CPNE3: variants seen among roughly 807,000 people sequenced by gnomAD.
The protein encoded by CPNE3 is copine 3.
CPNE3 carries 68 observed loss-of-function variants against 63.9 expected under a neutral mutation model. That is an observed-to-expected ratio of 1.06 (90% CI 0.87 to 1.30). The LOEUF is 1.30. CPNE3 is among the 50% of genes most tolerant of loss of function. CPNE3 has a pLI of 0.00. For missense variants in CPNE3, 665 were observed against 578.1 expected (o/e 1.15, Z -1.54); for synonymous variants, 219 against 197.5 (o/e 1.11, Z -0.91).
chr8:86,556,270 C>A lies in CPNE3; in HGVS notation c.1423C>A (p.Arg475Ser). The change falls in exon 16 of 17, where the codon CGC becomes AGC. Residue 475 changes from arginine to serine, a missense_variant. Arg to Ser is a moderately radical substitution (Grantham distance 110). Coordinates refer to ENST00000517490, the MANE Select transcript of CPNE3 (RefSeq NM_003909.5). ...EFLDGDGGSL[R>S]SPLGEVAIRD... Reference sequence around the variant, plus strand: ...TCTGGATGGTGATGGTGGAAGTCTCCGCTCCCCATTGGGCGAAGTGGCCAT... The same window carrying A: ...TCTGGATGGTGATGGTGGAAGTCTCAGCTCCCCATTGGGCGAAGTGGCCAT... 1.1e-6 allele frequency: 1 copy of A among 872,986 alleles called. No individual in the cohort carries two copies. The highest frequency in any genetic ancestry group is 1.6e-5 in the African/African-American group (1 of 61,446). 54.1% of individuals were successfully genotyped at this position (872,986 alleles called of 1,614,324 possible).
chr8:86,514,650 T>C (rs1820224845), intron 1 of CPNE3, 109 bp downstream of exon 1: 1 of 152,112 alleles, frequency 6.6e-6, no homozygotes, highest in Non-Finnish European at 1.5e-5. Context: ...GCCCGCAGGC[T>C]CCGTGCGGCA....
chr8:86,526,098 G>A (rs777791597), intron 2 of CPNE3, among the ~76,000 whole-genome samples: 3 of 152,146 alleles, frequency 2.0e-5, no homozygotes, highest in Non-Finnish European at 4.4e-5. Flanking sequence ...GGGCGGTGGC[G>A]GGCACCTGAA....
intron 2 of CPNE3, among the ~76,000 whole-genome samples, chr8:86,522,411 T>A (rs1236734937): frequency 6.6e-6 from 1 of 152,186 alleles, no homozygotes; most frequent in African/African-American, 2.4e-5. Context: ...TCTGTTGCTG[T>A]ATAATGTCCC....
At chr8:86,525,052 A>ACCAGGTTGG (rs1301299178) in intron 2 of CPNE3, 1 of 152,148 alleles carries the variant, frequency 6.6e-6, no homozygotes. Flanking sequence ...ACGGGGTTTC[A>ACCAGGTTGG]CCAGGTTGGC....
At chr8:86,516,577 A>T (rs1236963859) in intron 2 of CPNE3, among the ~76,000 whole-genome samples, 1 of 152,152 alleles carries the variant, frequency 6.6e-6, no homozygotes, top group Non-Finnish European at 1.5e-5. Flanking sequence ...TATAATAAAG[A>T]TGAGATCTTA....
chr8:86,546,666 T>C lies in CPNE3; in HGVS notation c.804T>C (p.Ser268=). The C allele has an allele frequency of 1.9e-6, 3 of 1,611,002 alleles. No individual in the cohort carries two copies. The highest frequency in any genetic ancestry group is 2.5e-6 in the Non-Finnish European group (3 of 1,179,348). The part of the protein sequence containing the change: ...KKSYKNSGVI[S]VKQCEITVEC... The stretch of plus-strand genomic sequence containing the variant: ...GCTACAAGAATTCAGGTGTTATCAG[T>C]GTGAAACAGTGTGAGGTCCGTTGGC... Residue 268 remains serine (S), a synonymous_variant, in exon 10 of 17, where the codon AGT becomes AGC. Transcript: ENST00000517490.
At chr8:86,543,797 A>G (rs1820994096) in intron 8 of CPNE3, among the ~76,000 whole-genome samples, 2 of 152,312 alleles carry the variant, frequency 1.3e-5, no homozygotes, top group African/African-American at 4.8e-5. Context: ...GCAGAAGTGA[A>G]ATAATCTGTT....
chr8:86,533,080 CAG>C (rs1471342617), intron 6 of CPNE3, among the ~76,000 whole-genome samples: 1 of 146,550 alleles, frequency 6.8e-6, no homozygotes, highest in Non-Finnish European at 1.5e-5. Context: ...TTTTTAGAGA[CAG>C]AGTCTCACTA....
intron 2 of CPNE3, among the ~76,000 whole-genome samples, chr8:86,520,263 G>A (rs1820403069): frequency 6.6e-6 from 1 of 152,164 alleles, no homozygotes; most frequent in African/African-American, 2.4e-5. Context: ...AACAGCTGAA[G>A]GCTGGGCGCA....
In CPNE3 at chr8:86,539,665, T is replaced by G. The variant is rs1476587631; in HGVS notation, c.544-580T>G. On this transcript the variant is annotated intron_variant, in intron 7 of 16. Coordinates refer to ENST00000517490, the MANE Select transcript of CPNE3 (RefSeq NM_003909.5). The stretch of plus-strand genomic sequence containing the variant: ...AAAATCAATAATCCTCCGCAGTTTT[T>G]TTTTTTTTTTTTTTTGAGACGTTGT... 3.4e-5 allele frequency among the ~76,000 whole-genome samples: 5 copies of G among 145,354 alleles called. No individual in the cohort carries two copies. In the East Asian group the frequency reaches 7.9e-4, roughly 23 times the overall value.
intron 8 of CPNE3, among the ~76,000 whole-genome samples, chr8:86,544,482 T>C (rs1277507682): frequency 6.6e-6 from 1 of 152,182 alleles, no homozygotes; most frequent in Non-Finnish European, 1.5e-5. Context: ...TAATGTGGAA[T>C]TGAAACAGTA....
rs963968808 is a variant in CPNE3, at chr8:86,560,691, C to T, written c.*2281C>T. On this transcript the variant is annotated 3_prime_UTR_variant, in exon 17 of 17. Coordinates refer to ENST00000517490, the MANE Select transcript of CPNE3 (RefSeq NM_003909.5). ...TTCCAGCAAACTAGGGTAATTGGTG[C>T]CTTTTTACAGTTTTGAATAAAAGCA... is the stretch of plus-strand genomic sequence containing the variant. 16 of 152,058 alleles carry T rather than the reference C, an allele frequency of 1.1e-4. No individual in the cohort carries two copies. The highest frequency in any genetic ancestry group is 3.9e-4 in the African/African-American group (16 of 41,390). 9.4% of individuals were successfully genotyped at this position (152,058 alleles called of 1,614,324 possible).
intron 2 of CPNE3, among the ~76,000 whole-genome samples, chr8:86,523,077 ACAAT>A (rs1293868250): frequency 3.3e-5 from 5 of 152,380 alleles, no homozygotes; most frequent in Middle Eastern, 3.4e-3. Context: ...CTATGCTGAG[ACAAT>A]CAATTAAAAT....
chr8:86,531,700 C>T (rs780623149), intron 5 of CPNE3, among the ~76,000 whole-genome samples: 1 of 152,178 alleles, frequency 6.6e-6, no homozygotes, highest in South Asian at 2.1e-4. Flanking sequence ...ATCTGCTGCC[C>T]ATCCTTCCAC....
intron 2 of CPNE3, among the ~76,000 whole-genome samples, chr8:86,524,289 G>T (rs1343149576): frequency 6.6e-6 from 1 of 152,162 alleles, no homozygotes; most frequent in East Asian, 1.9e-4. Flanking sequence ...GCATGGGAAT[G>T]ACCAGATGCC....
chr8:86,556,583 C>A (rs1821331173), intron 16 of CPNE3, among the ~76,000 whole-genome samples: 1 of 152,178 alleles, frequency 6.6e-6, no homozygotes, highest in South Asian at 2.1e-4. Context: ...TTTATCTTTA[C>A]CTTTGTAACA....
chr8:86,526,758 T>A (rs1384172752), intron 2 of CPNE3, among the ~76,000 whole-genome samples: 3 of 152,170 alleles, frequency 2.0e-5, no homozygotes, highest in African/African-American at 7.2e-5. Context: ...GTGATCCACC[T>A]GCCTTGGCCT....
At chr8:86,550,440 A>G (rs1034202153) in intron 12 of CPNE3, among the ~76,000 whole-genome samples, 2 of 152,206 alleles carry the variant, frequency 1.3e-5, no homozygotes, top group African/African-American at 2.4e-5. Context: ...AATAAATATG[A>G]AAGGAATATT....
chr8:86,541,677 G>T (rs1417886788), intron 8 of CPNE3, among the ~76,000 whole-genome samples: 1 of 147,632 alleles, frequency 6.8e-6, no homozygotes. Flanking sequence ...CTGCACTCCA[G>T]CCTGGGTGAT....
Sources: allele counts gnomAD v4.1 joint callset (sites outside exome capture counted in the v4.1 genomes callset), GRCh38; gene constraint gnomAD v4.1.1; transcripts MANE v1.5; gene names NCBI Gene and HGNC (gene_info 2026-07-23, HGNC 2026-07-21).